The following LUZP2 variants were observed in gnomAD, a reference collection of about 807,000 sequenced individuals.
The protein encoded by LUZP2 is leucine zipper protein 2.
In LUZP2, 52 loss-of-function variants were observed where a neutral mutation model predicts 51.6. The ratio of observed to expected loss-of-function variants is 1.01; its 90% CI spans 0.81 to 1.27. The LOEUF (loss-of-function observed/expected upper bound fraction) is 1.27. Ranked by LOEUF, LUZP2 falls within the 50% of genes most tolerant of loss-of-function variation. The pLI is 0.00. For synonymous variants in LUZP2, 154 were observed against 137.3 expected (o/e 1.12, Z -0.85); for missense variants, 436 against 395.4 (o/e 1.10, Z -0.87).
intron 1 of LUZP2, among the ~76,000 whole-genome samples, chr11:24,684,507 T>C (rs1286377446): frequency 1.3e-5 from 2 of 152,180 alleles, no homozygotes; most frequent in Non-Finnish European, 2.9e-5. Flanking sequence ...TGGCAGATAA[T>C]GTTTCTTCTG....
Position 25,082,388 on chromosome 11 carries a change from A to G in LUZP2, c.*3730A>G, listed in dbSNP as rs955903749. 2 of 152,628 alleles carry G rather than the reference A, an allele frequency of 1.3e-5. No homozygotes were observed. The highest frequency in any genetic ancestry group is 4.8e-5 in the African/African-American group (2 of 41,448). The allele number at this position is 152,628 out of a possible 1,614,324, so 9.5% of individuals were successfully genotyped here. A position where few individuals can be genotyped will look rare whatever the true frequency, so the allele number is the denominator to read the frequency against. ...AGCTCAGGTATTGTAATTAGCACTAATTGCAGCAGAGACTGAAATAATTAT... is the reference window on the plus strand; with the variant it reads ...AGCTCAGGTATTGTAATTAGCACTAGTTGCAGCAGAGACTGAAATAATTAT... On this transcript the variant is annotated 3_prime_UTR_variant, in exon 12 of 12. Transcript: ENST00000336930.
chr11:24,908,608 TTAAA>T (rs1853531829), intron 6 of LUZP2, among the ~76,000 whole-genome samples: 1 of 152,144 alleles, frequency 6.6e-6, no homozygotes, highest in Admixed American at 6.6e-5. Context: ...TGCTAACAAG[TTAAA>T]TAAAACGATC....
chr11:24,983,585 C>T (rs181085295), intron 9 of LUZP2, among the ~76,000 whole-genome samples: 180 of 151,684 alleles, frequency 1.2e-3, no homozygotes, highest in African/African-American at 4.2e-3. Context: ...AAGAGAATAT[C>T]TTGTATTACA....
In LUZP2 at chr11:24,751,211, T is replaced by C. The variant is rs191596258; in HGVS notation, c.334-12035T>C. On this transcript the variant is annotated intron_variant, in intron 4 of 11. Coordinates refer to ENST00000336930, the MANE Select transcript of LUZP2 (RefSeq NM_001009909.4). ...AAATCATAGCAGTTAAAGGAAAATA[T>C]GAACTGAAGTATTAAAAAAGAAGCA... is the stretch of plus-strand genomic sequence containing the variant. Among the ~76,000 whole-genome samples, 9 of 152,226 alleles carry C rather than the reference T, an allele frequency of 5.9e-5. No homozygotes were observed. In the East Asian group the frequency reaches 1.4e-3, roughly 23 times the overall value.
chr11:24,792,213 G>C (rs1849428369), intron 5 of LUZP2, among the ~76,000 whole-genome samples: 1 of 151,944 alleles, frequency 6.6e-6, no homozygotes, highest in African/African-American at 2.4e-5. Context: ...CGGGCCATGA[G>C]GTCAGGAAAT....
intron 9 of LUZP2, among the ~76,000 whole-genome samples, chr11:24,986,490 A>G (rs1230963068): frequency 6.6e-6 from 1 of 151,252 alleles, no homozygotes; most frequent in Non-Finnish European, 1.5e-5. Flanking sequence ...GACTAACACT[A>G]TAAATCAGGG....
Position 24,913,001 on chromosome 11 carries a change from G to T in LUZP2, c.460-1475G>T, listed in dbSNP as rs1281846682. ...CATGTAATAGTGACATAAGGATCAT[G>T]GGTTTATTACCTACTGCAGCCAGCT... On this transcript the variant is annotated intron_variant, in intron 6 of 11. Coordinates refer to ENST00000336930, the MANE Select transcript of LUZP2 (RefSeq NM_001009909.4). Among the ~76,000 whole-genome samples the T allele has an allele frequency of 2.0e-5, 3 of 152,102 alleles. No individual in the cohort carries two copies. The East Asian group carries it at 5.8e-4, about 29-fold the overall frequency.
chr11:24,592,479 C>T (rs1204942449), intron 1 of LUZP2, among the ~76,000 whole-genome samples: 1 of 152,140 alleles, frequency 6.6e-6, no homozygotes, highest in Non-Finnish European at 1.5e-5. Flanking sequence ...TTGCCTGTTA[C>T]ATGATATTTT....
chr11:25,022,455 T>G, intron 9 of LUZP2, among the ~76,000 whole-genome samples: 1 of 151,992 alleles, frequency 6.6e-6, no homozygotes, highest in East Asian at 1.9e-4. Context: ...GGCATTAGGG[T>G]TGTGGAAATA....
At chr11:24,712,770 T>C (rs1201567409) in intron 1 of LUZP2, among the ~76,000 whole-genome samples, 1 of 152,232 alleles carries the variant, frequency 6.6e-6, no homozygotes, top group Non-Finnish European at 1.5e-5. Flanking sequence ...ACAGTCTTTG[T>C]CAATGTATTC....
intron 7 of LUZP2, among the ~76,000 whole-genome samples, chr11:24,955,150 G>A (rs771740190): frequency 1.4e-4 from 21 of 151,918 alleles, no homozygotes; most frequent in Non-Finnish European, 2.6e-4. Context: ...TGGAACGCCC[G>A]TATAATTTTG....
At chr11:24,602,254 G>GTGTATATATGTATATATACA (rs1565021028) in intron 1 of LUZP2, among the ~76,000 whole-genome samples, 1 of 73,704 alleles carries the variant, frequency 1.4e-5, no homozygotes, top group African/African-American at 6.5e-5. Flanking sequence ...GTATATATAT[G>GTGTATATATGTATATATACA]CAAACATATA....
At chr11:25,027,506 C>T (rs1158342836) in intron 9 of LUZP2, among the ~76,000 whole-genome samples, 2 of 152,096 alleles carry the variant, frequency 1.3e-5, no homozygotes, top group Admixed American at 6.6e-5. Context: ...TTAACTGAAT[C>T]ATCTGGCCAT....
intron 5 of LUZP2, among the ~76,000 whole-genome samples, chr11:24,841,755 C>T (rs1851039314): frequency 6.6e-6 from 1 of 152,040 alleles, no homozygotes; most frequent in South Asian, 2.1e-4. Context: ...GCCTTGGGCC[C>T]TAGCAGGTTA....
chr11:24,751,534 G>A, intron 4 of LUZP2: 2 of 957,870 alleles, frequency 2.1e-6, no homozygotes, highest in Non-Finnish European at 2.5e-6. Context: ...AGAATGAGAA[G>A]TAATGGGAGT....
At chr11:24,529,235 C>G (rs1027413511) in intron 1 of LUZP2, among the ~76,000 whole-genome samples, 7 of 151,094 alleles carry the variant, frequency 4.6e-5, no homozygotes, top group Admixed American at 2.6e-4. Context: ...CAAAAAAAAC[C>G]TGGCATAGTA....
intron 1 of LUZP2, among the ~76,000 whole-genome samples, chr11:24,695,825 G>T (rs1857229479): frequency 6.6e-6 from 1 of 151,846 alleles, no homozygotes. Flanking sequence ...TCAGAGGAGA[G>T]CCAAATTTCT....
At chr11:24,708,110 G>A (rs1224202850) in intron 1 of LUZP2, among the ~76,000 whole-genome samples, 7 of 152,150 alleles carry the variant, frequency 4.6e-5, no homozygotes, top group Non-Finnish European at 7.3e-5. Flanking sequence ...GGGTGGAGCA[G>A]GTGATCGAAA....
intron 9 of LUZP2, among the ~76,000 whole-genome samples, chr11:25,008,573 T>C (rs1034952247): frequency 6.6e-6 from 1 of 152,202 alleles, no homozygotes; most frequent in African/African-American, 2.4e-5. Context: ...TTTTATTCCC[T>C]GTTGCTCAGC....
Sources: allele counts gnomAD v4.1 joint callset (sites outside exome capture counted in the v4.1 genomes callset), GRCh38; gene constraint gnomAD v4.1.1; transcripts MANE v1.5; gene names NCBI Gene and HGNC (gene_info 2026-07-23, HGNC 2026-07-21).